The following SCEL variants were observed in gnomAD, a reference collection of about 807,000 sequenced individuals.
SCEL encodes sciellin.
SCEL carries 113 observed loss-of-function variants against 117.6 expected under a neutral mutation model. The ratio of observed to expected loss-of-function variants is 0.96; its 90% CI spans 0.83 to 1.12. SCEL has a LOEUF of 1.12. Among genes scored for constraint, SCEL ranks in the 50% most tolerant of loss-of-function variants. The pLI is 0.00. For synonymous variants in SCEL, 270 were observed against 256.2 expected, an observed-to-expected ratio of 1.05 and a Z score of -0.51; for missense variants, 785 against 810.8, an observed-to-expected ratio of 0.97 and a Z score of 0.39.
intron 25 of SCEL, 65 bp from the exon 26 acceptor site, chr13:77,617,738 C>A (rs548965524): frequency 1.3e-6 from 2 of 1,485,566 alleles, no homozygotes; most frequent in Non-Finnish European, 1.9e-6. Flanking sequence ...AGATTTATAA[C>A]CTTAATGATA....
chr13:77,599,572 T>C (rs762385892), intron 14 of SCEL, 117 bp from the exon 15 acceptor site: 56 of 924,706 alleles, frequency 6.1e-5, no homozygotes, highest in Non-Finnish European at 1.2e-5. Context: ...TGCTCTTCCA[T>C]TCAATAAGAG....
intron 1 of SCEL, among the ~76,000 whole-genome samples, chr13:77,537,065 T>G (rs551215488): frequency 6.6e-6 from 1 of 152,322 alleles, no homozygotes; most frequent in African/African-American, 2.4e-5. Context: ...TTTAAAGTAT[T>G]GGAAACATCA....
At chr13:77,585,566 A>G (rs1347513614) in intron 9 of SCEL, among the ~76,000 whole-genome samples, 1 of 152,120 alleles carries the variant, frequency 6.6e-6, no homozygotes, top group East Asian at 1.9e-4. Flanking sequence ...CATGAGAGCC[A>G]AGAGACCCAC....
At chr13:77,605,262 G>A (rs1349312551) in intron 19 of SCEL, among the ~76,000 whole-genome samples, 2 of 152,198 alleles carry the variant, frequency 1.3e-5, no homozygotes, top group Non-Finnish European at 2.9e-5. Flanking sequence ...CCAGTTGGGA[G>A]GGCAAAGGCT....
intron 1 of SCEL, among the ~76,000 whole-genome samples, chr13:77,551,572 C>T (rs2084325184): frequency 1.3e-5 from 2 of 152,122 alleles, no homozygotes; most frequent in South Asian, 4.1e-4. Context: ...CTTACTGTGT[C>T]CTCACATGGC....
At chr13:77,607,601 C>T (rs1247087972) in intron 19 of SCEL, among the ~76,000 whole-genome samples, 3 of 152,138 alleles carry the variant, frequency 2.0e-5, no homozygotes, top group Non-Finnish European at 4.4e-5. Context: ...GAAAAATCTG[C>T]TAATGAATGC....
At chr13:77,544,267 T>G (rs2083878812) in intron 1 of SCEL, among the ~76,000 whole-genome samples, 1 of 152,232 alleles carries the variant, frequency 6.6e-6, no homozygotes, top group Non-Finnish European at 1.5e-5. Flanking sequence ...CTTTTTTTCT[T>G]TTCTGCCTTA....
At chr13:77,557,733 C>T (rs971692151) in intron 3 of SCEL, among the ~76,000 whole-genome samples, 3 of 152,110 alleles carry the variant, frequency 2.0e-5, no homozygotes, top group Admixed American at 6.5e-5. Flanking sequence ...GTATTTAATG[C>T]GTAGAGAACA....
rs756918048 is a variant in SCEL at position 77,617,657 on chromosome 13, A to C, written c.1510A>C (p.Arg504=). ...VNPEIFTNNQ[R]NQDLANLIKV... ...TCCTGAAATTTTCACAAACAACCAA[A>C]GGTAATAAAACTATGTTGTTTTAAT... is the stretch of plus-strand genomic sequence containing the variant. The change falls in exon 25 of 33, where the codon AGA becomes CGA. Residue 504 remains arginine, a splice_region_variant and synonymous_variant. Transcript: ENST00000349847. 2 of 1,584,740 alleles carry C rather than the reference A, an allele frequency of 1.3e-6. No homozygotes were observed. The highest frequency in any genetic ancestry group is 1.1e-5 in the South Asian group (1 of 88,008).
At chr13:77,636,212 C>T (rs1040947234) in intron 29 of SCEL, among the ~76,000 whole-genome samples, 8 of 152,136 alleles carry the variant, frequency 5.3e-5, no homozygotes, top group Non-Finnish European at 8.8e-5. Context: ...GTTTCCTAAC[C>T]GTGTAGCCCT....
intron 9 of SCEL, among the ~76,000 whole-genome samples, chr13:77,578,243 G>A (rs1290789994): frequency 1.3e-5 from 2 of 152,060 alleles, no homozygotes; most frequent in Admixed American, 6.5e-5. Context: ...CCTAATTTGG[G>A]TGGTGCTTTC....
chr13:77,643,767 A>G (rs747777566), intron 32 of SCEL, among the ~76,000 whole-genome samples: 16 of 151,692 alleles, frequency 1.1e-4, no homozygotes, highest in Non-Finnish European at 1.9e-4. Flanking sequence ...TTACAAGAAC[A>G]TACCTAATTA....
rs768856836 is a variant in SCEL at position 77,593,575 on chromosome 13, T to A, written c.752+2T>A. ...TTCACTTCAGAGAAGTGACAAAGGG[T>A]GAGATCTCAGAGCTTTTGAGCTTGG... On this transcript the variant is annotated splice_donor_variant, in intron 12 of 32. Coordinates refer to ENST00000349847, the MANE Select transcript of SCEL (RefSeq NM_144777.3). LOFTEE classifies it high-confidence loss of function. The A allele has an allele frequency of 6.2e-7, 1 of 1,611,486 alleles. No homozygotes were observed. The highest frequency in any genetic ancestry group is 8.5e-7 in the Non-Finnish European group (1 of 1,177,968).
chr13:77,630,012 G>T lies in SCEL; in HGVS notation c.1691+2003G>T, dbSNP rs908682094. ...TTTTACATAGAAAGAAAGGTGAAGG[G>T]ATAGGTAGAGTAATAATTTTAGGTT... On this transcript the variant is annotated intron_variant, in intron 28 of 32. Coordinates refer to ENST00000349847, the MANE Select transcript of SCEL (RefSeq NM_144777.3). 4.6e-5 allele frequency among the ~76,000 whole-genome samples: 7 copies of T among 152,292 alleles called. No individual in the cohort carries two copies. In the South Asian group the frequency reaches 1.2e-3, roughly 27 times the overall value.
At chr13:77,624,100 C>CTTTTTTT (rs566206052) in intron 27 of SCEL, among the ~76,000 whole-genome samples, 1 of 120,344 alleles carries the variant, frequency 8.3e-6, no homozygotes, top group Non-Finnish European at 1.7e-5. Flanking sequence ...CTTGTCTTCA[C>CTTTTTTT]TTTTTTTTTT....
rs1248109764 is a variant in SCEL, at chr13:77,555,974, C to T, written c.43+56C>T. The T allele has an allele frequency of 3.1e-6, 4 of 1,280,432 alleles. No individual in the cohort carries two copies. In the African/African-American group the frequency reaches 5.9e-5, roughly 19 times the overall value. The allele number at this position is 1,280,432 out of a possible 1,614,324, so 79.3% of individuals were successfully genotyped here. On this transcript the variant is annotated intron_variant, in intron 2 of 32. Transcript: ENST00000349847. ...AAACTTTAAAATTTTGGAAAAACAA[C>T]TCACAGATCTCAATTCTTTAATACA...
intron 28 of SCEL, among the ~76,000 whole-genome samples, chr13:77,629,502 G>C (rs182248559): frequency 1.1e-3 from 172 of 152,212 alleles, no homozygotes; most frequent in African/African-American, 4.0e-3. Flanking sequence ...AAACTGAAAG[G>C]TGATTCATTT....
At chr13:77,539,650 T>C (rs1315979046) in intron 1 of SCEL, among the ~76,000 whole-genome samples, 1 of 152,070 alleles carries the variant, frequency 6.6e-6, no homozygotes, top group Non-Finnish European at 1.5e-5. Flanking sequence ...TCATTCTGCC[T>C]CAGCCTCCCG....
intron 9 of SCEL, among the ~76,000 whole-genome samples, chr13:77,582,705 G>A (rs748271158): frequency 1.3e-5 from 2 of 152,098 alleles, no homozygotes; most frequent in Admixed American, 6.5e-5. Flanking sequence ...ACTTTTGAGA[G>A]CCAAAGTGTT....
Sources: gnomAD v4.1 joint callset for allele counts (sites outside exome capture counted in the v4.1 genomes callset) on GRCh38, gnomAD v4.1.1 for gene constraint, MANE v1.5 for transcripts, NCBI Gene and HGNC (gene_info 2026-07-23, HGNC 2026-07-21) for gene names.